ZGRF1: variants seen among roughly 807,000 people sequenced by gnomAD.
ZGRF1 encodes the protein zinc finger GRF-type containing 1.
ZGRF1 carries 196 observed loss-of-function variants against 203.5 expected under a neutral mutation model. The ratio of observed to expected loss-of-function variants is 0.96; its 90% CI spans 0.86 to 1.08. The LOEUF is 1.08. Ranked by LOEUF, ZGRF1 falls within the 50% of genes least tolerant of loss-of-function variation. ZGRF1 has a pLI of 0.00. For missense variants in ZGRF1, 2,326 were observed against 2,416.3 expected, an observed-to-expected ratio of 0.96 and a Z score of 0.78; for synonymous variants, 809 against 841.3, an observed-to-expected ratio of 0.96 and a Z score of 0.66.
At position 112,619,446 on chromosome 4, in the gene ZGRF1, G is replaced by T. The variant is rs1451695176; in HGVS notation, c.596C>A (p.Ser199Tyr). The change falls in exon 6 of 28, where the codon TCC becomes TAC. Residue 199 changes from serine to tyrosine, a missense_variant. Coordinates refer to ENST00000505019, the MANE Select transcript of ZGRF1 (RefSeq NM_018392.5). ...CAGCACTTCTGGGTTAATCTGGAAGGATGGAGAAAAAACCGAAGAAAAATC... is the reference window on the plus strand; with the variant it reads ...CAGCACTTCTGGGTTAATCTGGAAGTATGGAGAAAAAACCGAAGAAAAATC... ...AMDFSSVFSP[S>Y]FQINPEVLCE... 1 of 1,612,184 alleles carries T rather than the reference G, an allele frequency of 6.2e-7. No homozygotes were observed. Among genetic ancestry groups the T allele is most frequent in the Admixed American group, 1.7e-5 (1 of 59,718 alleles).
Position 112,619,948 on chromosome 4 carries a change from C to T in ZGRF1, c.351+54G>A, listed in dbSNP as rs150698768. On this transcript the variant is annotated intron_variant, in intron 5 of 27. Transcript: ENST00000505019. ...AATAACTTCAAAATTCACTACTTTT[C>T]GAGACAATTTTATAAATATATTTTG... 4,108 of 1,374,700 alleles carry T rather than the reference C, an allele frequency of 3.0e-3. 27 individuals are homozygous for T. Among genetic ancestry groups the T allele is most frequent in the Middle Eastern group, 0.01 (38 of 3,796 alleles). 85.2% of individuals were successfully genotyped at this position (1,374,700 alleles called of 1,614,324 possible). A position where few individuals can be genotyped will look rare whatever the true frequency, so the allele number is the denominator to read the frequency against.
chr4:112,559,106 A>C (rs567751417), intron 19 of ZGRF1, among the ~76,000 whole-genome samples: 33 of 152,378 alleles, frequency 2.2e-4, no homozygotes, highest in African/African-American at 6.7e-4. Context: ...GGTAAATCAC[A>C]AAAGCTCTGT....
rs1560813274 is a variant in ZGRF1, at chr4:112,587,677, G to C, written c.3380C>G (p.Ser1127Cys). ...DQNETFFSEE[S>C]REVNPGDVSL... ...AACATCCCCTGGATTCACTTCCCTA[G>C]ATTCTTCAGAGAAAAAGGTTTCATT... The change falls in exon 12 of 28, where the codon TCT becomes TGT. Residue 1127 changes from serine to cysteine, a missense_variant. Physicochemically the swap from Ser to Cys is moderately radical, Grantham distance 112. Transcript: ENST00000505019. 1 of 1,612,406 alleles carries C rather than the reference G, an allele frequency of 6.2e-7. No individual in the cohort carries two copies. The highest frequency in any genetic ancestry group is 1.7e-5 in the Admixed American group (1 of 59,536).
intron 9 of ZGRF1, among the ~76,000 whole-genome samples, chr4:112,604,645 ACT>A (rs899139195): frequency 1.3e-5 from 2 of 152,092 alleles, no homozygotes; most frequent in Non-Finnish European, 2.9e-5. Flanking sequence ...TGGGTGGTGG[ACT>A]CTCTGCCTCT....
Position 112,548,246 on chromosome 4 carries a change from A to C in ZGRF1, c.5474+7T>G. 11 of 1,551,884 alleles carry C rather than the reference A, an allele frequency of 7.1e-6. No individual in the cohort carries two copies. Among genetic ancestry groups the C allele is most frequent in the Non-Finnish European group, 9.6e-6 (11 of 1,146,864 alleles). Reference sequence around the variant, plus strand: ...ATTACCCCTGGGGAAAGAATCTTTTAGGTTACCTTGCAATGGGAAGGAGAG... The same window carrying C: ...ATTACCCCTGGGGAAAGAATCTTTTCGGTTACCTTGCAATGGGAAGGAGAG... On this transcript the variant is annotated splice_region_variant and intron_variant, in intron 23 of 27. Coordinates refer to ENST00000505019, the MANE Select transcript of ZGRF1 (RefSeq NM_018392.5).
At chr4:112,621,731 A>ATTTTTTTTTTTTT (rs74975594) in intron 4 of ZGRF1, among the ~76,000 whole-genome samples, 1 of 148,890 alleles carries the variant, frequency 6.7e-6, no homozygotes, top group African/African-American at 2.5e-5. Context: ...TAATGAAATG[A>ATTTTTTTTTTTTT]TTTTTTTTTC....
In ZGRF1 at chr4:112,619,135, C is replaced by G; in HGVS notation, c.907G>C (p.Ala303Pro). 6.2e-7 allele frequency: 1 copy of G among 1,613,836 alleles called. No individual in the cohort carries two copies. Among genetic ancestry groups the G allele is most frequent in the South Asian group, 1.1e-5 (1 of 91,066 alleles). ...PKYLIQQEEC[A>P]EMKSTENLYY... ...AAATTTTCTGTGCTCTTCATCTCAG[C>G]ACACTCTTCCTGTTGAATTAGGTAC... The change falls in exon 6 of 28, where the codon GCT (alanine) becomes CCT (proline). Residue 303 changes from alanine (A) to proline (P), a missense_variant. By Grantham distance (27) the Ala-to-Pro change is conservative. Transcript: ENST00000505019.
In ZGRF1 at chr4:112,554,072, C is replaced by CT. The variant is rs1740484967; in HGVS notation, c.5199-91dup. 3 of 1,227,842 alleles carry CT rather than the reference C, an allele frequency of 2.4e-6. No homozygotes were observed. In the South Asian group the frequency reaches 4.6e-5, roughly 19 times the overall value. The allele number at this position is 1,227,842 out of a possible 1,614,324, so 76.1% of individuals were successfully genotyped here. ...TATAGATTTTCTTTTTTTTATTATA[C>CT]TTTAAGTTTTAGGGTACATGTGCAC... is the stretch of plus-strand genomic sequence containing the variant. On this transcript the variant is annotated intron_variant, in intron 21 of 27. Coordinates refer to ENST00000505019, the MANE Select transcript of ZGRF1 (RefSeq NM_018392.5).
intron 10 of ZGRF1, among the ~76,000 whole-genome samples, chr4:112,600,082 A>G (rs1749700458): frequency 6.6e-6 from 1 of 152,136 alleles, no homozygotes; most frequent in Non-Finnish European, 1.5e-5. Context: ...TCTGTCACCC[A>G]GTGTGGTGGC....
intron 22 of ZGRF1, among the ~76,000 whole-genome samples, chr4:112,552,421 C>T (rs1298173501): frequency 6.6e-6 from 1 of 152,036 alleles, no homozygotes; most frequent in Admixed American, 6.5e-5. Flanking sequence ...AGCAATAGAT[C>T]ATAGTAACTG....
chr4:112,541,052 C>T (rs1737472427), intron 25 of ZGRF1, 40 bp downstream of exon 25: 1 of 1,549,290 alleles, frequency 6.5e-7, no homozygotes, highest in African/African-American at 1.4e-5. Flanking sequence ...AACCAGGAAC[C>T]TAAACCATGT....
In ZGRF1 at chr4:112,617,573, T is replaced by C; in HGVS notation, c.2469A>G (p.Val823=). Residue 823 remains valine, a synonymous_variant, in exon 6 of 28, where the codon GTA becomes GTG. Transcript: ENST00000505019. ...PRNSSELSGL[V]NTISILKSLC... is the part of the protein sequence containing the mutation. ...GCGACTTTAAAATAGAAATGGTATT[T>C]ACTAATCCAGAAAGTTCTGAAGAAT... 1 of 1,613,926 alleles carries C rather than the reference T, an allele frequency of 6.2e-7. No individual in the cohort carries two copies. The highest frequency in any genetic ancestry group is 2.2e-5 in the East Asian group (1 of 44,876).
In ZGRF1 at chr4:112,587,486, C is replaced by T; in HGVS notation, c.3571G>A (p.Ala1191Thr). ...FRDTSERQSDAVNESSLDSVH... is the reference protein window; with the variant it reads ...FRDTSERQSDTVNESSLDSVH... ...GAGTCTAAAGAGCTTTCATTGACAGCATCACTCTGTCTTTCACTTGTGTCT... is the reference window on the plus strand; with the variant it reads ...GAGTCTAAAGAGCTTTCATTGACAGTATCACTCTGTCTTTCACTTGTGTCT... Residue 1191 changes from alanine to threonine, a missense_variant, in exon 12 of 28, where the codon GCT becomes ACT. Ala to Thr is a moderately conservative substitution (Grantham distance 58). Coordinates refer to ENST00000505019, the MANE Select transcript of ZGRF1 (RefSeq NM_018392.5). 6.2e-7 allele frequency: 1 copy of T among 1,613,850 alleles called. No individual in the cohort carries two copies. The highest frequency in any genetic ancestry group is 8.5e-7 in the Non-Finnish European group (1 of 1,179,784).
chr4:112,568,031 G>A (rs17668773), intron 16 of ZGRF1, among the ~76,000 whole-genome samples: 7,369 of 152,174 alleles, frequency 0.048, 226 homozygotes, highest in Non-Finnish European at 0.079. Flanking sequence ...TACATTTGAG[G>A]AATCAATAGC....
At chr4:112,542,727 C>A (rs1465319527) in intron 24 of ZGRF1, among the ~76,000 whole-genome samples, 1 of 152,098 alleles carries the variant, frequency 6.6e-6, no homozygotes, top group Non-Finnish European at 1.5e-5. Flanking sequence ...GTGCCTGACA[C>A]CCCACCCAAC....
intron 8 of ZGRF1, chr4:112,607,725 G>A (rs563382259): frequency 6.2e-4 from 94 of 152,574 alleles, no homozygotes; most frequent in Non-Finnish European, 8.6e-4. Flanking sequence ...TTGAGGCCAG[G>A]AGTTCAAGAC....
In ZGRF1 at chr4:112,550,751, G is replaced by A. The variant is rs1055646781; in HGVS notation, c.5347-2371C>T. On this transcript the variant is annotated intron_variant, in intron 22 of 27. Coordinates refer to ENST00000505019, the MANE Select transcript of ZGRF1 (RefSeq NM_018392.5). ...GTCTGTAATCTCAGCTACTCGGGAG[G>A]ATGAGGCAGAAGAATCGCTTGAACC... Among the ~76,000 whole-genome samples, 5 of 152,294 alleles carry A rather than the reference G, an allele frequency of 3.3e-5. No individual in the cohort carries two copies. The East Asian group carries it at 9.6e-4, about 29-fold the overall frequency.
In ZGRF1 at chr4:112,539,914, C is replaced by A; in HGVS notation, c.6121G>T (p.Ala2041Ser). ...CAAAGTTGATTTTTCCTCAAACAGGCTAAATTTCCCACAATCAACAAATGC... is the reference window on the plus strand; with the variant it reads ...CAAAGTTGATTTTTCCTCAAACAGGATAAATTTCCCACAATCAACAAATGC... ...KRHLLIVGNL[A>S]CLRKNQLWGR... The change falls in exon 27 of 28, where the codon GCC (alanine) becomes TCC (serine). Residue 2041 changes from alanine to serine, a missense_variant. Ala to Ser is a moderately conservative substitution (Grantham distance 99). Coordinates refer to ENST00000505019, the MANE Select transcript of ZGRF1 (RefSeq NM_018392.5). 1 of 1,613,866 alleles carries A rather than the reference C, an allele frequency of 6.2e-7. No individual in the cohort carries two copies. The highest frequency in any genetic ancestry group is 8.5e-7 in the Non-Finnish European group (1 of 1,179,810).
Position 112,585,455 on chromosome 4 carries a change from C to G in ZGRF1, c.4101+86G>C. On this transcript the variant is annotated intron_variant, in intron 14 of 27. Coordinates refer to ENST00000505019, the MANE Select transcript of ZGRF1 (RefSeq NM_018392.5). Reference sequence around the variant, plus strand: ...AGAAAGCTCTTAATCAAGACTCACTCTTTAAGCTTATCATGAAGTAATAGG... The same window carrying G: ...AGAAAGCTCTTAATCAAGACTCACTGTTTAAGCTTATCATGAAGTAATAGG... The G allele has an allele frequency of 5.5e-6, 6 of 1,085,016 alleles. No homozygotes were observed. The South Asian group carries it at 9.7e-5, about 17-fold the overall frequency. 67.2% of individuals were successfully genotyped at this position (1,085,016 alleles called of 1,614,324 possible).
Sources: allele counts gnomAD v4.1 joint callset (sites outside exome capture counted in the v4.1 genomes callset), GRCh38; gene constraint gnomAD v4.1.1; transcripts MANE v1.5; gene names NCBI Gene and HGNC (gene_info 2026-07-23, HGNC 2026-07-21).